Variants in PDE4D observed in about 807,000 individuals in gnomAD.
The protein encoded by PDE4D is 3',5'-cyclic-AMP phosphodiesterase 4D.
In PDE4D, 24 loss-of-function variants were observed where a neutral mutation model predicts 87.4. The ratio of observed to expected loss-of-function variants is 0.27; its 90% CI spans 0.20 to 0.39. The LOEUF is 0.39. PDE4D is among the 10% of genes least tolerant of loss of function. The probability of loss-of-function intolerance (pLI) is 1.00; values close to 1 mark genes in which losing one functional copy is unlikely to be tolerated. For synonymous variants in PDE4D, 384 were observed against 383.2 expected (o/e 1.00, Z -0.02); for missense variants, 714 against 1,041.0 (o/e 0.69, Z 4.32).
At chr5:60,266,026 G>T (rs753928535) in intron 1 of PDE4D, among the ~76,000 whole-genome samples, 23 of 152,112 alleles carry the variant, frequency 1.5e-4, no homozygotes, top group Admixed American at 3.3e-4. Context: ...GTCCACAGTA[G>T]AAGGAAGAAG....
intron 1 of PDE4D, among the ~76,000 whole-genome samples, chr5:59,803,096 T>C (rs1322645124): frequency 6.6e-6 from 1 of 152,032 alleles, no homozygotes; most frequent in Admixed American, 6.6e-5. Context: ...AAAACGTAAA[T>C]GCATGAATGA....
intron 2 of PDE4D, among the ~76,000 whole-genome samples, chr5:60,109,032 C>G (rs551757178): frequency 1.3e-5 from 2 of 152,152 alleles, no homozygotes; most frequent in South Asian, 4.2e-4. Flanking sequence ...AACTAAAGAG[C>G]TTCTGCACAG....
At chr5:59,861,504 AATTACATGGAGCAACC>A (rs1746283785) in intron 1 of PDE4D, among the ~76,000 whole-genome samples, 1 of 152,206 alleles carries the variant, frequency 6.6e-6, no homozygotes, top group Admixed American at 6.5e-5. Context: ...TCAGTTCAGT[AATTACATGGAGCAACC>A]ATTCGAAACA....
At chr5:59,219,382 G>T (rs537537704) in intron 1 of PDE4D, among the ~76,000 whole-genome samples, 10 of 152,006 alleles carry the variant, frequency 6.6e-5, no homozygotes, top group African/African-American at 2.2e-4. Flanking sequence ...TGAACCTAGG[G>T]TCTGAGTTCA....
chr5:59,739,498 A>ACACT (rs2150661188), intron 1 of PDE4D, among the ~76,000 whole-genome samples: 1 of 152,334 alleles, frequency 6.6e-6, no homozygotes, highest in South Asian at 2.1e-4. Context: ...TACAATTCAC[A>ACACT]ATAGAAAATT....
At chr5:59,994,463 C>G (rs903655138) in intron 2 of PDE4D, among the ~76,000 whole-genome samples, 1 of 152,086 alleles carries the variant, frequency 6.6e-6, no homozygotes, top group East Asian at 1.9e-4. Flanking sequence ...ACCACATCTC[C>G]AGACTCCCTT....
intron 2 of PDE4D, among the ~76,000 whole-genome samples, chr5:60,158,764 T>C (rs1330529273): frequency 1.3e-5 from 2 of 151,994 alleles, no homozygotes; most frequent in African/African-American, 2.4e-5. Context: ...AGAGACGGGG[T>C]TTCACCGTGC....
intron 11 of PDE4D, among the ~76,000 whole-genome samples, chr5:58,981,267 C>T (rs1745072073): frequency 6.6e-6 from 1 of 152,186 alleles, no homozygotes; most frequent in East Asian, 1.9e-4. Flanking sequence ...CTCCTTTAAC[C>T]ATATTTAATC....
chr5:60,213,324 AG>A (rs1361584347), intron 1 of PDE4D, among the ~76,000 whole-genome samples: 6 of 152,306 alleles, frequency 3.9e-5, no homozygotes, highest in African/African-American at 1.4e-4. Context: ...GGTTTGGGGC[AG>A]CAATGGCCCT....
At chr5:59,376,840 T>C (rs1239358073) in intron 1 of PDE4D, among the ~76,000 whole-genome samples, 2 of 151,780 alleles carry the variant, frequency 1.3e-5, no homozygotes, top group Non-Finnish European at 2.9e-5. Flanking sequence ...AACAGACACA[T>C]AGACAAATGG....
At chr5:60,087,014 G>A (rs997147939) in intron 2 of PDE4D, among the ~76,000 whole-genome samples, 1 of 152,200 alleles carries the variant, frequency 6.6e-6, no homozygotes, top group Non-Finnish European at 1.5e-5. Flanking sequence ...ACAACTAAAA[G>A]TTGGGACTGA....
At chr5:59,110,242 ACTCAGAGG>A (rs1478847277) in intron 5 of PDE4D, among the ~76,000 whole-genome samples, 1 of 152,176 alleles carries the variant, frequency 6.6e-6, no homozygotes, top group African/African-American at 2.4e-5. Flanking sequence ...GAATCAGCTT[ACTCAGAGG>A]CTGTGACAAG....
chr5:59,425,450 C>G (rs1252752661), intron 1 of PDE4D, among the ~76,000 whole-genome samples: 1 of 152,126 alleles, frequency 6.6e-6, no homozygotes, highest in Non-Finnish European at 1.5e-5. Flanking sequence ...AAATCATCAG[C>G]TACTTCCCAC....
intron 1 of PDE4D, among the ~76,000 whole-genome samples, chr5:60,197,970 T>C (rs2910825): frequency 0.082 from 12,375 of 150,366 alleles, 949 homozygotes; most frequent in South Asian, 0.13. Flanking sequence ...TAACGAATGA[T>C]AAAGAGCAGT....
chr5:59,848,331 C>T (rs546923266), intron 1 of PDE4D, among the ~76,000 whole-genome samples: 4 of 152,122 alleles, frequency 2.6e-5, no homozygotes, highest in African/African-American at 9.6e-5. Flanking sequence ...GTTCTGACAA[C>T]TCACCTGTTT....
chr5:59,553,957 T>C (rs1818502884), intron 1 of PDE4D, among the ~76,000 whole-genome samples: 1 of 152,034 alleles, frequency 6.6e-6, no homozygotes, highest in Non-Finnish European at 1.5e-5. Context: ...ATAGCTATAG[T>C]TTTTTGAGCT....
At chr5:59,097,726 T>C (rs1271346436) in intron 5 of PDE4D, among the ~76,000 whole-genome samples, 2 of 152,170 alleles carry the variant, frequency 1.3e-5, no homozygotes, top group African/African-American at 4.8e-5. Flanking sequence ...AGGAGAAGAG[T>C]CTGCTTAAAA....
At chr5:60,146,855 A>C (rs1030012136) in intron 2 of PDE4D, among the ~76,000 whole-genome samples, 1 of 152,232 alleles carries the variant, frequency 6.6e-6, no homozygotes, top group African/African-American at 2.4e-5. Context: ...CAAATGGCCA[A>C]CAGATATATG....
At chr5:59,375,738 T>C (rs901845184) in intron 1 of PDE4D, among the ~76,000 whole-genome samples, 8 of 151,786 alleles carry the variant, frequency 5.3e-5, no homozygotes, top group African/African-American at 1.5e-4. Context: ...ATAACAAAAA[T>C]TTAAAACTCA....
Sources: gnomAD v4.1 joint callset for allele counts (sites outside exome capture counted in the v4.1 genomes callset) on GRCh38, gnomAD v4.1.1 for gene constraint, MANE v1.5 for transcripts, NCBI Gene and HGNC (gene_info 2026-07-23, HGNC 2026-07-21) for gene names.